The following C5AR2 variants were observed in gnomAD, a reference collection of about 807,000 sequenced individuals.
C5AR2 encodes complement C5a receptor 2.
For synonymous variants in C5AR2, 224 were observed against 216.5 expected, an observed-to-expected ratio of 1.03 and a Z score of -0.30; for missense variants, 458 against 467.5, an observed-to-expected ratio of 0.98 and a Z score of 0.19.
chr19:47,341,208 C>T lies in C5AR2; in HGVS notation c.409C>T (p.Leu137Phe). 1.2e-6 allele frequency: 2 copies of T among 1,601,216 alleles called. No individual in the cohort carries two copies. The highest frequency in any genetic ancestry group is 1.7e-6 in the Non-Finnish European group (2 of 1,179,878). ...CAGTGCCGACCTCTGCTTCCTGGCT[C>T]TCGGGCCTGCCTGGTGGTCTACGGT... ...ALSADLCFLALGPAWWSTVQR... is the reference protein window; with the variant it reads ...ALSADLCFLAFGPAWWSTVQR... The change falls in exon 2 of 2, where the codon CTC (leucine) becomes TTC (phenylalanine). Residue 137 changes from leucine to phenylalanine, a missense_variant. Coordinates refer to ENST00000595464, the MANE Select transcript of C5AR2 (RefSeq NM_001271749.2). This position sits in a 1 kb window ranked among gnomAD's most constrained non-coding sequence, Gnocchi z 4.6.
intron 1 of C5AR2, among the ~76,000 whole-genome samples, chr19:47,339,888 A>G (rs909136135): frequency 5.3e-5 from 8 of 151,568 alleles, no homozygotes; most frequent in Admixed American, 5.3e-4. Flanking sequence ...CCTGTGTGAT[A>G]TTTTTCCCAT....
Position 47,341,878 on chromosome 19 carries a change from C to A in C5AR2, c.*65C>A. ...TTCACAAGACTGGCTTCAGGCATAG[C>A]TGGATCCAGGAGCTCAATGATGTCT... is the stretch of plus-strand genomic sequence containing the variant. On this transcript the variant is annotated 3_prime_UTR_variant, in exon 2 of 2. Transcript: ENST00000595464. This position sits in a 1 kb window ranked among gnomAD's most constrained non-coding sequence, Gnocchi z 4.6. 1 of 1,455,898 alleles carries A rather than the reference C, an allele frequency of 6.9e-7. No homozygotes were observed. The highest frequency in any genetic ancestry group is 9.5e-7 in the Non-Finnish European group (1 of 1,052,278). 90.2% of individuals were successfully genotyped at this position (1,455,898 alleles called of 1,614,324 possible). A position where few individuals can be genotyped will look rare whatever the true frequency, so the allele number is the denominator to read the frequency against.
At position 47,341,009 on chromosome 19, in the gene C5AR2, C is replaced by T; in HGVS notation, c.210C>T (p.Ala70=). Residue 70 remains alanine, a synonymous_variant, in exon 2 of 2, where the codon GCC becomes GCT. Transcript: ENST00000595464. The surrounding 1 kb of genome is among the most constrained non-coding windows in gnomAD (Gnocchi z 4.6). The stretch of plus-strand genomic sequence containing the variant: ...AGGTGGCCCGCCGGAGGGTGGGTGC[C>T]ACCTGGTTGCTCCACCTGGCCGTGG... ...AGKVARRRVG[A]TWLLHLAVAD... 1.2e-6 allele frequency: 2 copies of T among 1,609,278 alleles called. No homozygotes were observed. Among genetic ancestry groups the T allele is most frequent in the Non-Finnish European group, 1.7e-6 (2 of 1,179,896 alleles).
Position 47,341,932 on chromosome 19 carries a change from A to C in C5AR2, c.*119A>C, listed in dbSNP as rs1969046588. On this transcript the variant is annotated 3_prime_UTR_variant, in exon 2 of 2. Coordinates refer to ENST00000595464, the MANE Select transcript of C5AR2 (RefSeq NM_001271749.2). The surrounding 1 kb of genome is among the most constrained non-coding windows in gnomAD (Gnocchi z 4.6). ...TTTTATTCCTTCCTTCATTCAACAG[A>C]TATCCATCATGCACTTGCTATGTGC... is the stretch of plus-strand genomic sequence containing the variant. 1 of 989,926 alleles carries C rather than the reference A, an allele frequency of 1.0e-6. No individual in the cohort carries two copies. Among genetic ancestry groups the C allele is most frequent in the Non-Finnish European group, 1.5e-6 (1 of 663,718 alleles). 61.3% of individuals were successfully genotyped at this position (989,926 alleles called of 1,614,324 possible).
In C5AR2 at chr19:47,341,591, A is replaced by C. The variant is rs1468872620; in HGVS notation, c.792A>C (p.Ala264=). The change falls in exon 2 of 2, where the codon GCA becomes GCC. Residue 264 remains alanine (A), a synonymous_variant. Transcript: ENST00000595464. This position sits in a 1 kb window ranked among gnomAD's most constrained non-coding sequence, Gnocchi z 4.6. ...LVLTVAAPNS[A]LLARALRAEP... ...TCACTGTGGCGGCCCCGAACTCCGC[A>C]CTCCTGGCCAGGGCCCTGCGGGCTG... is the stretch of plus-strand genomic sequence containing the variant. 1.2e-6 allele frequency: 2 copies of C among 1,613,420 alleles called. No homozygotes were observed. Among genetic ancestry groups the C allele is most frequent in the Non-Finnish European group, 1.7e-6 (2 of 1,179,850 alleles).
chr19:47,344,695 C>T lies in C5AR2; in HGVS notation c.*2882C>T, dbSNP rs888623926. 6 of 152,188 alleles carry T rather than the reference C, an allele frequency of 3.9e-5. No individual in the cohort carries two copies. The highest frequency in any genetic ancestry group is 1.4e-4 in the African/African-American group (6 of 41,460). 9.4% of individuals were successfully genotyped at this position (152,188 alleles called of 1,614,324 possible). The stretch of plus-strand genomic sequence containing the variant: ...CAGAAAGAATGGGCTCTTCCTTTCT[C>T]TGAGTCTCTGGAACACAAGGTCCCA... On this transcript the variant is annotated 3_prime_UTR_variant, in exon 2 of 2. Transcript: ENST00000595464.
chr19:47,338,930 G>T (rs1429753608), intron 1 of C5AR2, among the ~76,000 whole-genome samples: 1 of 151,982 alleles, frequency 6.6e-6, no homozygotes, highest in Non-Finnish European at 1.5e-5. Flanking sequence ...GAGGCAGGTG[G>T]ATCACCTGAG....
rs1169892951 is a variant in C5AR2 at position 47,344,546 on chromosome 19, G to A, written c.*2733G>A. The A allele has an allele frequency of 6.6e-6, 1 of 152,044 alleles. No individual in the cohort carries two copies. Among genetic ancestry groups the A allele is most frequent in the African/African-American group, 2.4e-5 (1 of 41,402 alleles). 9.4% of individuals were successfully genotyped at this position (152,044 alleles called of 1,614,324 possible). On this transcript the variant is annotated 3_prime_UTR_variant, in exon 2 of 2. Transcript: ENST00000595464. ...CCAAGATCACACAGCAAGAACACCA[G>A]ACAGCTGGAATTTGATCCCAGTTTT...
chr19:47,337,024 C>T (rs1482917096), intron 1 of C5AR2: 3 of 126,086 alleles, frequency 2.4e-5, no homozygotes, highest in South Asian at 2.5e-4. Context: ...AGCAGAGAGC[C>T]TCAGGGCCAG....
At chr19:47,334,801 C>G (rs1319906832) in intron 1 of C5AR2, among the ~76,000 whole-genome samples, 2 of 152,042 alleles carry the variant, frequency 1.3e-5, no homozygotes, top group East Asian at 3.9e-4. Context: ...TCACTGCAGC[C>G]TTGACCTCAC....
Position 47,341,082 on chromosome 19 carries a change from G to T in C5AR2, c.283G>T (p.Ala95Ser). The T allele has an allele frequency of 5.6e-6, 9 of 1,605,134 alleles. No individual in the cohort carries two copies. Among genetic ancestry groups the T allele is most frequent in the Non-Finnish European group, 7.6e-6 (9 of 1,179,906 alleles). Residue 95 changes from alanine (A) to serine (S), a missense_variant, in exon 2 of 2, where the codon GCC (alanine) becomes TCC (serine). Physicochemically the swap from Ala to Ser is moderately conservative, Grantham distance 99. Transcript: ENST00000595464. The surrounding 1 kb of genome is among the most constrained non-coding windows in gnomAD (Gnocchi z 4.6). Reference sequence around the variant, plus strand: ...TCTGCCCATCCTGGCAGTGCCCATTGCCCGTGGAGGCCACTGGCCGTATGG... The same window carrying T: ...TCTGCCCATCCTGGCAGTGCCCATTTCCCGTGGAGGCCACTGGCCGTATGG... Reference protein sequence around the residue: ...LSLPILAVPIARGGHWPYGAV... With the variant: ...LSLPILAVPISRGGHWPYGAV...
At chr19:47,336,467 TCCTTCCTTCCTTCCTTCCTTCCTTTC>T (rs1568668378) in intron 1 of C5AR2, among the ~76,000 whole-genome samples, 30 of 145,440 alleles carry the variant, frequency 2.1e-4, no homozygotes, top group African/African-American at 7.9e-4. Context: ...CTTCCTTCCT[TCCTTCCTTCCTTCCTTCCTTCCTTTC>T]TTTCTTTCTT....
At chr19:47,340,489 G>A (rs779204771) in intron 1 of C5AR2, among the ~76,000 whole-genome samples, 36 of 151,682 alleles carry the variant, frequency 2.4e-4, no homozygotes, top group Non-Finnish European at 4.7e-4. Flanking sequence ...ACAGGTGCCC[G>A]CCACCACACC....
At position 47,345,016 on chromosome 19, in the gene C5AR2, A is replaced by G. The variant is rs1281696291; in HGVS notation, c.*3203A>G. 1 of 152,026 alleles carries G rather than the reference A, an allele frequency of 6.6e-6. No homozygotes were observed. The highest frequency in any genetic ancestry group is 1.9e-4 in the East Asian group (1 of 5,176). 9.4% of individuals were successfully genotyped at this position (152,026 alleles called of 1,614,324 possible). A position where few individuals can be genotyped will look rare whatever the true frequency, so the allele number is the denominator to read the frequency against. On this transcript the variant is annotated 3_prime_UTR_variant, in exon 2 of 2. Coordinates refer to ENST00000595464, the MANE Select transcript of C5AR2 (RefSeq NM_001271749.2). ...TCGAACTCCTGACCTCAGGTGATCC[A>G]CCCACCTTGGCCTCCCAAAGTGCTG... is the stretch of plus-strand genomic sequence containing the variant.
intron 1 of C5AR2, among the ~76,000 whole-genome samples, chr19:47,336,470 TTCCTTCCTTCCTTC>T (rs2059358555): frequency 1.4e-5 from 2 of 141,648 alleles, no homozygotes; most frequent in African/African-American, 5.7e-5. Context: ...CCTTCCTTCC[TTCCTTCCTTCCTTC>T]CTTCCTTTCT....
chr19:47,337,651 GAC>G (rs1307262112), intron 1 of C5AR2, among the ~76,000 whole-genome samples: 1 of 151,862 alleles, frequency 6.6e-6, no homozygotes, highest in African/African-American at 2.4e-5. Context: ...GACAGAGCGA[GAC>G]TCTGTCTCAA....
chr19:47,337,672 A>T (rs866709388), intron 1 of C5AR2, among the ~76,000 whole-genome samples: 6 of 151,628 alleles, frequency 4.0e-5, no homozygotes, highest in South Asian at 4.2e-4. Context: ...AAAAAAAAAA[A>T]TTTTACCTAC....
chr19:47,333,083 C>A (rs559331119), intron 1 of C5AR2, among the ~76,000 whole-genome samples: 1 of 152,268 alleles, frequency 6.6e-6, no homozygotes, highest in Admixed American at 6.5e-5. Flanking sequence ...TGGCTCACTG[C>A]AACCTCCGCC....
rs1969133452 is a variant in C5AR2 at position 47,347,304 on chromosome 19, AAATTAT to A, written c.*5498_*5503del. On this transcript the variant is annotated 3_prime_UTR_variant, in exon 2 of 2. Transcript: ENST00000595464. ...ATTTCCTCCAATTTTCCTTTTTTAA[AAATTAT>A]AATTATTGTTTGGATTATTTATTTA... is the stretch of plus-strand genomic sequence containing the variant. 1 of 150,292 alleles carries A rather than the reference AAATTAT, an allele frequency of 6.7e-6. No individual in the cohort carries two copies. The highest frequency in any genetic ancestry group is 6.7e-5 in the Admixed American group (1 of 14,832). 9.3% of individuals were successfully genotyped at this position (150,292 alleles called of 1,614,324 possible). A position where few individuals can be genotyped will look rare whatever the true frequency, so the allele number is the denominator to read the frequency against.
Sources: allele counts gnomAD v4.1 joint callset (sites outside exome capture counted in the v4.1 genomes callset), GRCh38; gene constraint gnomAD v4.1.1; non-coding constraint Gnocchi (gnomAD v3.1); transcripts MANE v1.5; gene names NCBI Gene and HGNC (gene_info 2026-07-23, HGNC 2026-07-21).